The following MTR variants were observed in gnomAD, a reference collection of about 807,000 sequenced individuals.
MTR encodes methionine synthase.
Under a neutral mutation model 154.8 loss-of-function variants are expected in MTR, and 84 were observed. The ratio of observed to expected loss-of-function variants is 0.54; its 90% CI spans 0.45 to 0.65. The LOEUF (loss-of-function observed/expected upper bound fraction) is 0.65, where lower values mean the gene tolerates loss of function less well. Ranked by LOEUF, MTR falls within the 30% of genes least tolerant of loss-of-function variation. MTR has a pLI of 0.00. For synonymous variants in MTR, 554 were observed against 553.9 expected, an observed-to-expected ratio of 1.00 and a Z score of 0.00; for missense variants, 1,275 against 1,570.2, an observed-to-expected ratio of 0.81 and a Z score of 3.18.
At chr1:236,873,725 T>G in intron 22 of MTR, 48 bp from the exon 23 acceptor site, 1 of 1,497,680 alleles carries the variant, frequency 6.7e-7, no homozygotes, top group Non-Finnish European at 9.3e-7. Context: ...CAGTTTTGTC[T>G]CTAATGGGCT....
At chr1:236,837,600 T>C (rs1459842097) in intron 14 of MTR, among the ~76,000 whole-genome samples, 5 of 152,228 alleles carry the variant, frequency 3.3e-5, no homozygotes, top group Non-Finnish European at 1.5e-5. Flanking sequence ...AATGGCTTAA[T>C]TGAATAATGT....
rs1341139041 is a variant in MTR, at chr1:236,898,433, T to C, written c.*789T>C. The C allele has an allele frequency of 2.0e-5, 3 of 151,272 alleles. No homozygotes were observed. Among genetic ancestry groups the C allele is most frequent in the African/African-American group, 7.3e-5 (3 of 41,062 alleles). The allele number at this position is 151,272 out of a possible 1,614,324, so 9.4% of individuals were successfully genotyped here. On this transcript the variant is annotated 3_prime_UTR_variant, in exon 33 of 33. Transcript: ENST00000366577. ...TTTTTTTTTTGAGACAGAGTCTGGC[T>C]CTGTCGCCCAGGCTGGAGTGCAGGG...
At chr1:236,897,518 TATC>T (rs1666731114) in intron 32 of MTR, 37 bp from the exon 33 acceptor site, 2 of 1,572,968 alleles carry the variant, frequency 1.3e-6, no homozygotes, top group African/African-American at 2.7e-5. Context: ...CCAAAAGTCT[TATC>T]ATGTTGGTTT....
intron 8 of MTR, among the ~76,000 whole-genome samples, chr1:236,818,329 A>C (rs2103069067): frequency 7.6e-6 from 1 of 131,430 alleles, no homozygotes; most frequent in Non-Finnish European, 1.8e-5. Context: ...AGTCTTTCCT[A>C]GCGATTAGGT....
intron 1 of MTR, among the ~76,000 whole-genome samples, chr1:236,801,510 G>GT (rs770946480): frequency 6.6e-6 from 1 of 152,198 alleles, no homozygotes; most frequent in Admixed American, 6.5e-5. Context: ...AGGCAGGGTT[G>GT]TAAGTTTGCA....
intron 8 of MTR, 79 bp from the exon 9 acceptor site, chr1:236,824,040 T>G: frequency 8.3e-7 from 1 of 1,204,758 alleles, no homozygotes; most frequent in Non-Finnish European, 1.2e-6. Context: ...GTTTTAGATA[T>G]ATTGTCTCCA....
In MTR at chr1:236,840,594, GC is replaced by G. The variant is rs750437394; in HGVS notation, c.1515+1996del. Among the ~76,000 whole-genome samples the G allele has an allele frequency of 6.6e-4, 101 of 152,314 alleles. 1 individual carries two copies. Among genetic ancestry groups the G allele is most frequent in the Middle Eastern group, 3.4e-3 (1 of 294 alleles). On this transcript the variant is annotated intron_variant, in intron 15 of 32. Coordinates refer to ENST00000366577, the MANE Select transcript of MTR (RefSeq NM_000254.3). ...AGCCACATGGCCACGTGGAGAAAGA[GC>G]AAACGAGGTTTCAGCAAATGAAAAG...
At chr1:236,896,308 C>A (rs1418674972) in intron 31 of MTR, among the ~76,000 whole-genome samples, 1 of 152,212 alleles carries the variant, frequency 6.6e-6, no homozygotes, top group African/African-American at 2.4e-5. Flanking sequence ...GCCATCAAAG[C>A]TGATAAAGGC....
rs749498079 is a variant in MTR, at chr1:236,808,790, T to C, written c.409+17T>C. The C allele has an allele frequency of 1.9e-6, 3 of 1,612,548 alleles. No homozygotes were observed. The Admixed American group carries it at 5.0e-5, about 27-fold the overall frequency. On this transcript the variant is annotated intron_variant, in intron 4 of 32. Coordinates refer to ENST00000366577, the MANE Select transcript of MTR (RefSeq NM_000254.3). ...TCCAGACAGGTAGGGAATGTTCTTC[T>C]CTTTTTTTGCACACGTGGTTCCTTT...
intron 5 of MTR, chr1:236,811,663 A>T: frequency 4.4e-6 from 2 of 456,292 alleles, no homozygotes; most frequent in Non-Finnish European, 8.8e-6. Flanking sequence ...GTGGGGAGCT[A>T]ACTTACCCTT....
At chr1:236,810,018 G>A (rs1661207591) in intron 4 of MTR, among the ~76,000 whole-genome samples, 1 of 152,180 alleles carries the variant, frequency 6.6e-6, no homozygotes, top group African/African-American at 2.4e-5. Context: ...CTACTGTAAG[G>A]TGATTTTGCA....
In MTR at chr1:236,812,904, A is replaced by G. The variant is rs916318616; in HGVS notation, c.609+60A>G. On this transcript the variant is annotated intron_variant, in intron 6 of 32. Transcript: ENST00000366577. ...GTAAGGGCTGTGGGTGAGTCCCCTA[A>G]TGTAGGGAGAAGATAATATTAGCCA... is the stretch of plus-strand genomic sequence containing the variant. The G allele has an allele frequency of 2.0e-5, 24 of 1,223,910 alleles. No homozygotes were observed. The African/African-American group carries it at 2.8e-4, about 14-fold the overall frequency. The allele number at this position is 1,223,910 out of a possible 1,614,324, so 75.8% of individuals were successfully genotyped here. A position where few individuals can be genotyped will look rare whatever the true frequency, so the allele number is the denominator to read the frequency against.
intron 19 of MTR, among the ~76,000 whole-genome samples, chr1:236,860,578 T>A (rs374137262): frequency 4.6e-5 from 7 of 152,134 alleles, no homozygotes; most frequent in East Asian, 1.9e-4. Flanking sequence ...TTCATGGATT[T>A]GAACTTCATT....
intron 18 of MTR, among the ~76,000 whole-genome samples, chr1:236,856,685 C>T (rs757563475): frequency 3.9e-5 from 6 of 152,218 alleles, no homozygotes; most frequent in Middle Eastern, 3.4e-3. Flanking sequence ...TCCCTAGCTT[C>T]CCAACCCCCC....
chr1:236,853,198 A>G (rs1572266793), intron 18 of MTR, 110 bp downstream of exon 18: 5 of 1,308,168 alleles, frequency 3.8e-6, no homozygotes, highest in Non-Finnish European at 4.4e-6. Context: ...CGAATCATAT[A>G]TTTGGATCAC....
At chr1:236,876,061 A>T (rs560009215) in intron 24 of MTR, among the ~76,000 whole-genome samples, 61 of 152,336 alleles carry the variant, frequency 4.0e-4, no homozygotes, top group Non-Finnish European at 6.6e-4. Flanking sequence ...AACATAGTGG[A>T]GGATAATGTG....
intron 27 of MTR, among the ~76,000 whole-genome samples, chr1:236,887,332 C>T (rs563930913): frequency 2.4e-4 from 37 of 152,312 alleles, no homozygotes; most frequent in African/African-American, 7.9e-4. Flanking sequence ...CTCATCCCAA[C>T]GTGGCTCCTG....
chr1:236,858,876 A>G (rs1341591505), intron 18 of MTR, among the ~76,000 whole-genome samples: 1 of 152,190 alleles, frequency 6.6e-6, no homozygotes, highest in Non-Finnish European at 1.5e-5. Flanking sequence ...CCTTTGCTGA[A>G]TCTGCCCCTT....
intron 8 of MTR, among the ~76,000 whole-genome samples, chr1:236,821,326 C>T (rs1004962492): frequency 6.6e-6 from 1 of 152,230 alleles, no homozygotes; most frequent in African/African-American, 2.4e-5. Flanking sequence ...GGAACTAACA[C>T]AGTCTCTGGA....
Sources: gnomAD v4.1 joint callset for allele counts (sites outside exome capture counted in the v4.1 genomes callset) on GRCh38, gnomAD v4.1.1 for gene constraint, MANE v1.5 for transcripts, NCBI Gene and HGNC (gene_info 2026-07-23, HGNC 2026-07-21) for gene names.